ITIH2: variants seen among roughly 807,000 people sequenced by gnomAD.
The protein encoded by ITIH2 is inter-alpha-trypsin inhibitor heavy chain 2.
Under a neutral mutation model 104.4 loss-of-function variants are expected in ITIH2, and 103 were observed. That is an observed-to-expected ratio of 0.99 (90% CI 0.84 to 1.16). The LOEUF is 1.16. Among genes scored for constraint, ITIH2 ranks in the 50% most tolerant of loss-of-function variants. ITIH2 has a pLI of 0.00. For synonymous variants in ITIH2, 436 were observed against 435.4 expected (o/e 1.00, Z -0.02); for missense variants, 1,108 against 1,162.4 (o/e 0.95, Z 0.68).
intron 4 of ITIH2, 132 bp from the exon 5 acceptor site, chr10:7,713,049 G>T (rs1257283924): frequency 9.5e-6 from 6 of 630,218 alleles, no homozygotes; most frequent in Non-Finnish European, 1.4e-5. Context: ...GAACCCAGGA[G>T]GTGGAGGTTG....
intron 14 of ITIH2, among the ~76,000 whole-genome samples, chr10:7,733,032 G>A (rs144881855): frequency 0.013 from 1,945 of 151,142 alleles, 41 homozygotes; most frequent in African/African-American, 0.045. Flanking sequence ...CGGCCAAAAT[G>A]CATTAATTTT....
intron 15 of ITIH2, 27 bp downstream of exon 15, chr10:7,735,118 T>C (rs747645407): frequency 1.3e-6 from 2 of 1,581,194 alleles, no homozygotes; most frequent in South Asian, 1.1e-5. Flanking sequence ...TGGGGACAAG[T>C]GGCCAGGCAG....
At position 7,735,081 on chromosome 10, in the gene ITIH2, C is replaced by T. The variant is rs148704480; in HGVS notation, c.1947C>T (p.Ser649=). Residue 649 remains serine, a synonymous_variant, in exon 15 of 21, where the codon TCC becomes TCT. Transcript: ENST00000358415. ...MLADAPPQDP[S]CCSGALYYGS... ...CGGATGCCCCACCGCAGGATCCCTC[C>T]TGCTGCTCAGGTCAGGGCTGCACCT... 1 of 1,608,118 alleles carries T rather than the reference C, an allele frequency of 6.2e-7. No individual in the cohort carries two copies. Among genetic ancestry groups the T allele is most frequent in the Non-Finnish European group, 8.5e-7 (1 of 1,179,356 alleles).
At chr10:7,732,050 C>A in intron 13 of ITIH2, 54 bp downstream of exon 13, 1 of 1,382,682 alleles carries the variant, frequency 7.2e-7, no homozygotes, top group Non-Finnish European at 1.0e-6. Flanking sequence ...TAGATACAGT[C>A]CCTCTTGAAT....
At chr10:7,717,869 T>A in intron 6 of ITIH2, 81 bp downstream of exon 6, 1 of 1,386,608 alleles carries the variant, frequency 7.2e-7, no homozygotes, top group Non-Finnish European at 1.0e-6. Flanking sequence ...TGCTTGTCAC[T>A]AGCACTTGTG....
intron 4 of ITIH2, among the ~76,000 whole-genome samples, chr10:7,712,220 C>T (rs1834802900): frequency 6.6e-6 from 1 of 152,130 alleles, no homozygotes; most frequent in Non-Finnish European, 1.5e-5. Flanking sequence ...AGTCCGAGAT[C>T]AAGATGCCCA....
chr10:7,715,065 A>C (rs1473153795), intron 5 of ITIH2, among the ~76,000 whole-genome samples: 1 of 152,190 alleles, frequency 6.6e-6, no homozygotes, highest in Non-Finnish European at 1.5e-5. Flanking sequence ...TGGAGAGAAG[A>C]AGCTCCAAGC....
intron 16 of ITIH2, among the ~76,000 whole-genome samples, chr10:7,741,338 C>A (rs983979213): frequency 3.3e-5 from 5 of 151,974 alleles, no homozygotes; most frequent in Non-Finnish European, 7.4e-5. Context: ...GCCACCACAC[C>A]CGGCTAATTT....
Position 7,731,872 on chromosome 10 carries a change from C to T in ITIH2, c.1523C>T (p.Thr508Ile), listed in dbSNP as rs769148647. 1 of 1,613,780 alleles carries T rather than the reference C, an allele frequency of 6.2e-7. No homozygotes were observed. Among genetic ancestry groups the T allele is most frequent in the Non-Finnish European group, 8.5e-7 (1 of 1,179,646 alleles). Reference protein sequence around the residue: ...LRNVQFNYPHTSVTDVTQNNF... With the variant: ...LRNVQFNYPHISVTDVTQNNF... ...AATGTTCAGTTCAACTATCCCCATA[C>T]ATCAGTCACGGACGTCACTCAAAAC... Residue 508 changes from threonine to isoleucine, a missense_variant, in exon 13 of 21, where the codon ACA (threonine) becomes ATA (isoleucine). Transcript: ENST00000358415.
At position 7,744,077 on chromosome 10, in the gene ITIH2, T is replaced by C. The variant is rs764294148; in HGVS notation, c.2210-5T>C. On this transcript the variant is annotated splice_region_variant and splice_polypyrimidine_tract_variant and intron_variant, in intron 17 of 20. Transcript: ENST00000358415. ...GAGAAAACATCATTTTTTTCTTTCC[T>C]GTAGGAATTGTAGTCAACGGTCAGC... 54 of 1,611,802 alleles carry C rather than the reference T, an allele frequency of 3.4e-5. 1 individual carries two copies. The South Asian group carries it at 5.4e-4, about 16-fold the overall frequency.
At chr10:7,748,079 G>A (rs1192653348) in intron 20 of ITIH2, among the ~76,000 whole-genome samples, 1 of 150,164 alleles carries the variant, frequency 6.7e-6, no homozygotes, top group Non-Finnish European at 1.5e-5. Flanking sequence ...TGTGGTGGCG[G>A]GCGCCTGTAT....
At position 7,742,855 on chromosome 10, in the gene ITIH2, TC is replaced by T. The variant is rs562506950; in HGVS notation, c.2096-290del. The stretch of plus-strand genomic sequence containing the variant: ...GTGTATTTCTTATTCCTTAAGTCTT[TC>T]TTATTCATTTTTTATCTCTAGTATC... On this transcript the variant is annotated intron_variant, in intron 16 of 20. Transcript: ENST00000358415. Among the ~76,000 whole-genome samples, 407 of 152,354 alleles carry T rather than the reference TC, an allele frequency of 2.7e-3. 1 individual carries two copies. Among genetic ancestry groups the T allele is most frequent in the African/African-American group, 8.9e-3 (372 of 41,580 alleles).
At chr10:7,743,754 C>G (rs1835148653) in intron 17 of ITIH2, among the ~76,000 whole-genome samples, 1 of 151,940 alleles carries the variant, frequency 6.6e-6, no homozygotes, top group African/African-American at 2.4e-5. Context: ...GCGCTCCAGC[C>G]TGAGTGACAG....
At position 7,717,532 on chromosome 10, in the gene ITIH2, G is replaced by A. The variant is rs371476401; in HGVS notation, c.468-94G>A. Reference sequence around the variant, plus strand: ...TCATGAACTACTGAGCAGAACGGACGGTCCAGGAAATTCTACATGCCCTCT... The same window carrying A: ...TCATGAACTACTGAGCAGAACGGACAGTCCAGGAAATTCTACATGCCCTCT... On this transcript the variant is annotated intron_variant, in intron 5 of 20. Transcript: ENST00000358415. The A allele has an allele frequency of 1.3e-4, 146 of 1,146,378 alleles. 2 individuals carry two copies. The East Asian group carries it at 2.2e-3, about 17-fold the overall frequency. 71.0% of individuals were successfully genotyped at this position (1,146,378 alleles called of 1,614,324 possible).
chr10:7,729,249 G>A (rs946591448), intron 11 of ITIH2, among the ~76,000 whole-genome samples: 2 of 152,014 alleles, frequency 1.3e-5, no homozygotes, highest in East Asian at 3.9e-4. Flanking sequence ...GGAGGCGGAG[G>A]TTGCAGTGAG....
chr10:7,747,814 C>T (rs1055521072), intron 20 of ITIH2, among the ~76,000 whole-genome samples: 2 of 151,598 alleles, frequency 1.3e-5, no homozygotes, highest in South Asian at 2.1e-4. Flanking sequence ...TGGGAGGATC[C>T]GTTGAACCCA....
In ITIH2 at chr10:7,749,280, G is replaced by A; in HGVS notation, c.2787G>A (p.Gly929=). Residue 929 remains glycine, a synonymous_variant, in exon 21 of 21, where the codon GGG becomes GGA. Transcript: ENST00000358415. ...ACAGTGGAAAAGGATTCATTGACGG[G>A]CATTACAAGGATTACTTCGTGCCTC... ...VHNSGKGFID[G]HYKDYFVPQL... 1 of 1,614,136 alleles carries A rather than the reference G, an allele frequency of 6.2e-7. No individual in the cohort carries two copies. The highest frequency in any genetic ancestry group is 8.5e-7 in the Non-Finnish European group (1 of 1,180,004).
At chr10:7,744,423 C>A (rs1318530302) in intron 18 of ITIH2, 143 bp downstream of exon 18, 5 of 762,046 alleles carry the variant, frequency 6.6e-6, no homozygotes, top group Non-Finnish European at 1.0e-5. Flanking sequence ...TGTTCTCACT[C>A]CCTACTCTGT....
At chr10:7,708,957 C>A in intron 3 of ITIH2, 65 bp from the exon 4 acceptor site, 1 of 1,340,016 alleles carries the variant, frequency 7.5e-7, no homozygotes, top group Non-Finnish European at 1.1e-6. Flanking sequence ...ATCAAATGCA[C>A]TACATTTGAT....
Sources: gnomAD v4.1 joint callset for allele counts (sites outside exome capture counted in the v4.1 genomes callset) on GRCh38, gnomAD v4.1.1 for gene constraint, MANE v1.5 for transcripts, NCBI Gene and HGNC (gene_info 2026-07-23, HGNC 2026-07-21) for gene names.